Variants in MAGEB10 observed in about 807,000 individuals in gnomAD.
The protein encoded by MAGEB10 is MAGE family member B10.
For synonymous variants in MAGEB10, 99 were observed against 101.0 expected (o/e 0.98, Z 0.12); for missense variants, 190 against 261.9 (o/e 0.73, Z 1.89).
intron 1 of MAGEB10, among the ~76,000 whole-genome samples, chrX:27,809,250 C>G (rs767306042): frequency 1.8e-5 from 2 of 109,949 alleles, no homozygotes; most frequent in South Asian, 7.9e-4. Context: ...GCAGGCCCCC[C>G]GGCCCAGGCA....
chrX:27,821,781 C>T lies in MAGEB10; in HGVS notation c.475C>T (p.His159Tyr). 1.7e-6 allele frequency: 2 copies of T among 1,211,817 alleles called. No individual in the cohort carries two copies. Among genetic ancestry groups the T allele is most frequent in the Non-Finnish European group, 2.2e-6 (2 of 895,531 alleles). Reference protein sequence around the residue: ...FPVILSRASEHLELIFGLDLK... With the variant: ...FPVILSRASEYLELIFGLDLK... ...TGTAATCCTGAGCAGAGCTTCTGAG[C>T]ACCTGGAGCTGATCTTTGGTCTTGA... Residue 159 changes from histidine to tyrosine, a missense_variant, in exon 3 of 3, where the codon CAC becomes TAC. Transcript: ENST00000356790.
intron 1 of MAGEB10, among the ~76,000 whole-genome samples, chrX:27,814,570 TCA>T (rs1365460438): frequency 8.9e-6 from 1 of 111,879 alleles, no homozygotes; most frequent in Non-Finnish European, 1.9e-5. Flanking sequence ...TTAAAAACAA[TCA>T]CAGAGATTTC....
intron 1 of MAGEB10, among the ~76,000 whole-genome samples, chrX:27,816,471 G>A (rs1183531724): frequency 1.8e-5 from 2 of 111,506 alleles, no homozygotes; most frequent in Non-Finnish European, 3.8e-5. Flanking sequence ...GTTTTTCATT[G>A]CGCCTAAGGG....
At chrX:27,810,998 C>T (rs937642331) in intron 1 of MAGEB10, among the ~76,000 whole-genome samples, 2 of 104,595 alleles carry the variant, frequency 1.9e-5, no homozygotes, top group African/African-American at 7.0e-5. Context: ...CCCCTCCCTC[C>T]AACTGCATAC....
At chrX:27,811,101 C>T (rs1569211503) in intron 1 of MAGEB10, among the ~76,000 whole-genome samples, 1 of 107,429 alleles carries the variant, frequency 9.3e-6, no homozygotes, top group East Asian at 3.0e-4. Flanking sequence ...GGTGAGGAGT[C>T]ATTAGGAGGA....
chrX:27,816,570 GGAA>G (rs1392336719), intron 1 of MAGEB10, among the ~76,000 whole-genome samples: 1 of 111,699 alleles, frequency 9.0e-6, no homozygotes, highest in African/African-American at 3.3e-5. Flanking sequence ...ATCAAAAGAA[GGAA>G]GAAATTTTTC....
chrX:27,810,250 G>A (rs1362542605), intron 1 of MAGEB10, among the ~76,000 whole-genome samples: 1 of 111,577 alleles, frequency 9.0e-6, no homozygotes, highest in East Asian at 2.8e-4. Flanking sequence ...GTAACACCAC[G>A]AGCGAAGGTC....
intron 1 of MAGEB10, 90 bp from the exon 2 acceptor site, chrX:27,817,464 A>G (rs955289241): frequency 9.0e-5 from 10 of 111,104 alleles, no homozygotes; most frequent in African/African-American, 3.3e-4. Context: ...TCTTATATAC[A>G]TGTGCAACAA....
At chrX:27,812,401 A>G (rs1923708633) in intron 1 of MAGEB10, 2 of 132,041 alleles carry the variant, frequency 1.5e-5, no homozygotes, top group Admixed American at 1.7e-4. Context: ...GTGGATCCCA[A>G]CAAGAGCATC....
intron 1 of MAGEB10, chrX:27,811,878 G>C: frequency 7.3e-6 from 1 of 137,610 alleles, no homozygotes; most frequent in South Asian, 2.4e-4. Context: ...TCTGAGCAGA[G>C]TCATAATGCC....
At chrX:27,810,118 C>T (rs1387285262) in intron 1 of MAGEB10, among the ~76,000 whole-genome samples, 1 of 111,461 alleles carries the variant, frequency 9.0e-6, no homozygotes, top group Non-Finnish European at 1.9e-5. Context: ...AAGTAGGCTG[C>T]CCGAGCCAGC....
At chrX:27,818,250 G>A (rs1409796024) in intron 2 of MAGEB10, among the ~76,000 whole-genome samples, 3 of 110,809 alleles carry the variant, frequency 2.7e-5, no homozygotes, top group East Asian at 5.7e-4. Flanking sequence ...TACTCTGGTC[G>A]TTCAGGGCAC....
intron 1 of MAGEB10, among the ~76,000 whole-genome samples, chrX:27,809,110 GCT>G (rs759807554): frequency 1.4e-4 from 16 of 112,058 alleles, no homozygotes; most frequent in African/African-American, 4.5e-4. Flanking sequence ...GCCGGAGCCG[GCT>G]CTCTCAGCTT....
At chrX:27,811,412 A>G (rs1004951749) in intron 1 of MAGEB10, among the ~76,000 whole-genome samples, 4 of 111,671 alleles carry the variant, frequency 3.6e-5, no homozygotes, top group African/African-American at 1.3e-4. Flanking sequence ...ATGTGGTCAC[A>G]TGAGATTCCC....
chrX:27,812,870 C>T (rs1319950833), intron 1 of MAGEB10: 1 of 273,904 alleles, frequency 3.7e-6, no homozygotes, highest in Non-Finnish European at 7.2e-6. Context: ...GTACTGCCAC[C>T]ATGGCCAGTG....
intron 2 of MAGEB10, among the ~76,000 whole-genome samples, chrX:27,819,006 GA>G (rs1923834900): frequency 9.0e-6 from 1 of 110,844 alleles, no homozygotes; most frequent in African/African-American, 3.3e-5. Flanking sequence ...AGACCCTGAT[GA>G]AGTTTTGAAA....
chrX:27,812,580 G>T, intron 1 of MAGEB10: 1 of 185,181 alleles, frequency 5.4e-6, no homozygotes. Context: ...GGGGGTATAC[G>T]AGGGACAGGA....
At chrX:27,811,586 T>G (rs1326217765) in intron 1 of MAGEB10, among the ~76,000 whole-genome samples, 1 of 111,264 alleles carries the variant, frequency 9.0e-6, no homozygotes, top group Non-Finnish European at 1.9e-5. Flanking sequence ...AAAAGGAAGC[T>G]CCATAGAGTC....
At chrX:27,811,852 C>G in intron 1 of MAGEB10, 1 of 126,192 alleles carries the variant, frequency 7.9e-6, no homozygotes, top group East Asian at 2.6e-4. Flanking sequence ...CCATCTGTCT[C>G]ACACTACTAC....
Sources: gnomAD v4.1 joint callset for allele counts (sites outside exome capture counted in the v4.1 genomes callset) on GRCh38, gnomAD v4.1.1 for gene constraint, MANE v1.5 for transcripts, NCBI Gene and HGNC (gene_info 2026-07-23, HGNC 2026-07-21) for gene names.